ERC2: variants seen among roughly 807,000 people sequenced by gnomAD.
ERC2 encodes the protein ELKS/RAB6-interacting/CAST family member 2, also known as ERC protein 2.
A neutral mutation model predicts 114.8 loss-of-function variants in ERC2; 42 were observed. That is an observed-to-expected ratio of 0.37 (90% CI 0.29 to 0.47). ERC2 has a LOEUF of 0.47. Among genes scored for constraint, ERC2 ranks in the 20% least tolerant of loss-of-function variants. ERC2 has a pLI of 0.99. For synonymous variants in ERC2, 454 were observed against 425.5 expected, an observed-to-expected ratio of 1.07 and a Z score of -0.82; for missense variants, 939 against 1,150.7, an observed-to-expected ratio of 0.82 and a Z score of 2.66.
chr3:56,022,176 T>C (rs11917067), intron 7 of ERC2, among the ~76,000 whole-genome samples: 41,784 of 152,156 alleles, frequency 0.27, 6,315 homozygotes, highest in Admixed American at 0.34. Context: ...TAAATGAAAA[T>C]AGTAGATCTT....
intron 10 of ERC2, among the ~76,000 whole-genome samples, chr3:55,997,902 T>TG (rs1559996525): frequency 2.8e-4 from 14 of 50,194 alleles, no homozygotes; most frequent in African/African-American, 5.3e-4. Flanking sequence ...TTTTTTTTTT[T>TG]TTTTTGTGTG....
At chr3:55,796,191 T>C (rs986352907) in intron 14 of ERC2, among the ~76,000 whole-genome samples, 2 of 152,122 alleles carry the variant, frequency 1.3e-5, no homozygotes, top group Admixed American at 6.5e-5. Flanking sequence ...GAAGGGAATT[T>C]CAGGAAGGCG....
chr3:55,631,923 G>A (rs914073830), intron 17 of ERC2, among the ~76,000 whole-genome samples: 4 of 152,224 alleles, frequency 2.6e-5, no homozygotes, highest in African/African-American at 9.6e-5. Flanking sequence ...ACAATATTGA[G>A]TGGTCAGCCC....
chr3:55,922,350 T>G (rs1239882363), intron 13 of ERC2, among the ~76,000 whole-genome samples: 2 of 151,884 alleles, frequency 1.3e-5, no homozygotes, highest in African/African-American at 2.4e-5. Context: ...AAAAAAAAAT[T>G]GTCCTAAAAA....
chr3:55,656,473 A>G (rs1459050158), intron 17 of ERC2, among the ~76,000 whole-genome samples: 1 of 152,160 alleles, frequency 6.6e-6, no homozygotes, highest in Non-Finnish European at 1.5e-5. Flanking sequence ...TGCACTTTAC[A>G]TGGTAGCTAT....
chr3:55,741,386 T>A (rs990509610), intron 14 of ERC2, among the ~76,000 whole-genome samples: 2 of 152,114 alleles, frequency 1.3e-5, no homozygotes, highest in Non-Finnish European at 2.9e-5. Context: ...CACTTTTTTT[T>A]AAAGGCTCAA....
At chr3:56,416,641 C>T (rs2061167563) in intron 2 of ERC2, among the ~76,000 whole-genome samples, 1 of 145,272 alleles carries the variant, frequency 6.9e-6, no homozygotes, top group Admixed American at 6.9e-5. Flanking sequence ...TGACGCTTTG[C>T]CAACAACAAA....
chr3:55,992,988 C>G (rs2071194862), intron 10 of ERC2, among the ~76,000 whole-genome samples: 2 of 152,158 alleles, frequency 1.3e-5, no homozygotes, highest in Non-Finnish European at 2.9e-5. Flanking sequence ...GGCAACAACA[C>G]AGCAACAACA....
intron 17 of ERC2, among the ~76,000 whole-genome samples, chr3:55,634,221 C>T (rs374077460): frequency 2.0e-5 from 3 of 152,326 alleles, no homozygotes; most frequent in African/African-American, 7.2e-5. Flanking sequence ...GCCATAAGTA[C>T]TAGACAAAAG....
At chr3:55,707,757 C>G (rs2063564599) in intron 15 of ERC2, among the ~76,000 whole-genome samples, 1 of 152,184 alleles carries the variant, frequency 6.6e-6, no homozygotes. Context: ...GCGATGCAGG[C>G]AGGGGTGGGG....
At chr3:56,442,596 A>T (rs1015629712) in intron 1 of ERC2, among the ~76,000 whole-genome samples, 44 of 152,278 alleles carry the variant, frequency 2.9e-4, no homozygotes, top group African/African-American at 9.6e-4. Flanking sequence ...ACAGTCTGAC[A>T]AATGTTCAGA....
chr3:55,616,313 C>T (rs1401148618), intron 17 of ERC2, among the ~76,000 whole-genome samples: 1 of 150,162 alleles, frequency 6.7e-6, no homozygotes, highest in Non-Finnish European at 1.5e-5. Flanking sequence ...AAAGGAGTTC[C>T]ATTGGCCGCT....
chr3:55,576,855 G>A (rs868399893), intron 17 of ERC2, among the ~76,000 whole-genome samples: 41 of 152,352 alleles, frequency 2.7e-4, no homozygotes, highest in African/African-American at 9.9e-4. Flanking sequence ...GGGAGGCTTG[G>A]GGGAGGATCT....
At chr3:55,670,236 C>T (rs2061504536) in intron 17 of ERC2, among the ~76,000 whole-genome samples, 3 of 152,132 alleles carry the variant, frequency 2.0e-5, no homozygotes, top group Admixed American at 1.3e-4. Flanking sequence ...CACTCTTACC[C>T]CATGAGATCC....
intron 17 of ERC2, among the ~76,000 whole-genome samples, chr3:55,599,787 T>C (rs2058316504): frequency 6.6e-6 from 1 of 152,226 alleles, no homozygotes; most frequent in Admixed American, 6.5e-5. Flanking sequence ...CCAAATTATT[T>C]ATTTTCACCT....
At chr3:56,062,441 T>C (rs1001651711) in intron 7 of ERC2, among the ~76,000 whole-genome samples, 4 of 152,168 alleles carry the variant, frequency 2.6e-5, no homozygotes, top group Non-Finnish European at 5.9e-5. Flanking sequence ...GCAGCATCTA[T>C]GATACCTCTG....
intron 17 of ERC2, among the ~76,000 whole-genome samples, chr3:55,514,080 C>A (rs1264893703): frequency 6.6e-6 from 1 of 152,200 alleles, no homozygotes; most frequent in Non-Finnish European, 1.5e-5. Context: ...AGTTACTAAT[C>A]AGTTGACTTC....
chr3:56,340,542 A>ATGTGTGTGTGTGTGTGTGTGTGTGTGTG (rs10690369), intron 2 of ERC2, among the ~76,000 whole-genome samples: 3 of 141,416 alleles, frequency 2.1e-5, no homozygotes, highest in African/African-American at 5.3e-5. Context: ...GAGAGAGTGA[A>ATGTGTGTGTGTGTGTGTGTGTGTGTGTG]TGTGTGTGTG....
chr3:55,892,959 T>C (rs1394177391), intron 13 of ERC2, among the ~76,000 whole-genome samples: 2 of 152,084 alleles, frequency 1.3e-5, no homozygotes, highest in Non-Finnish European at 2.9e-5. Context: ...GTGAGACCTT[T>C]GGGAAATGAT....
Sources: gnomAD v4.1 joint callset for allele counts (sites outside exome capture counted in the v4.1 genomes callset) on GRCh38, gnomAD v4.1.1 for gene constraint, MANE v1.5 for transcripts, NCBI Gene and HGNC (gene_info 2026-07-23, HGNC 2026-07-21) for gene names.